Variants in SOX6 observed in about 807,000 individuals in gnomAD.
SOX6 encodes transcription factor SOX-6.
SOX6 carries 11 observed loss-of-function variants against 97.8 expected under a neutral mutation model. That is an observed-to-expected ratio of 0.11 (90% confidence interval 0.07 to 0.19). The LOEUF (loss-of-function observed/expected upper bound fraction) is 0.19. SOX6 is among the 10% of genes least tolerant of loss of function. The probability of loss-of-function intolerance (pLI) is 1.00; values close to 1 mark genes in which losing one functional copy is unlikely to be tolerated. For synonymous variants in SOX6, 360 were observed against 371.4 expected (o/e 0.97, Z 0.35); for missense variants, 810 against 1,039.5 (o/e 0.78, Z 3.04).
chr11:16,263,522 A>C (rs1264277046), intron 3 of SOX6, among the ~76,000 whole-genome samples: 1 of 151,998 alleles, frequency 6.6e-6, no homozygotes, highest in Non-Finnish European at 1.5e-5. Flanking sequence ...TATGGAAGAA[A>C]GGATAATCCA....
Position 16,572,096 on chromosome 11 carries a change from G to A in SOX6, n.609+39985C>T, listed in dbSNP as rs543204664. On this transcript the variant is annotated intron_variant and non_coding_transcript_variant, in intron 4 of 5. Transcript: ENST00000524520. The stretch of plus-strand genomic sequence containing the variant: ...TGTTCCAGTTACTTCTGAACTTACA[G>A]TGTCAGTATTATATTGTTTAAAATA... 7.2e-5 allele frequency among the ~76,000 whole-genome samples: 11 copies of A among 152,204 alleles called. No homozygotes were observed. The South Asian group carries it at 2.3e-3, about 32-fold the overall frequency.
rs185075321 is a variant in SOX6 at position 16,574,763 on chromosome 11, A to T, written n.609+37318T>A. 9.2e-5 allele frequency among the ~76,000 whole-genome samples: 14 copies of T among 152,096 alleles called. No individual in the cohort carries two copies. In the East Asian group the frequency reaches 1.5e-3, roughly 17 times the overall value. On this transcript the variant is annotated intron_variant and non_coding_transcript_variant, in intron 4 of 5. Transcript: ENST00000524520. ...ACAGATTTGTAGAAAACTACAAATC[A>T]TTTTTTTTAAAAAAAGATCCTGTAA...
chr11:16,064,386 A>G (rs894998013), intron 9 of SOX6, among the ~76,000 whole-genome samples: 5 of 150,776 alleles, frequency 3.3e-5, no homozygotes, highest in African/African-American at 1.2e-4. Context: ...TGTCATTTCA[A>G]TTTATTAATT....
intron 4 of SOX6, among the ~76,000 whole-genome samples, chr11:16,521,232 A>T (rs764397612): frequency 3.3e-5 from 5 of 152,162 alleles, no homozygotes; most frequent in Non-Finnish European, 7.4e-5. Flanking sequence ...AGGCACCCCC[A>T]GTAGGGGCAG....
At chr11:16,118,250 G>C (rs1244821057) in intron 6 of SOX6, among the ~76,000 whole-genome samples, 1 of 152,208 alleles carries the variant, frequency 6.6e-6, no homozygotes, top group Non-Finnish European at 1.5e-5. Context: ...AAGCACAACT[G>C]TCCATTAATT....
Position 16,131,948 on chromosome 11 carries a change from C to T in SOX6, c.778-20025G>A, listed in dbSNP as rs77355727. Among the ~76,000 whole-genome samples, 5,254 of 151,720 alleles carry T rather than the reference C, an allele frequency of 0.035. 499 individuals are homozygous for T. The East Asian group carries it at 0.37, about 11-fold the overall frequency. ...CTGCAGAGGACACAAGGAAACTCTT[C>T]GGGACTAAAAGTTACATATGGCTCT... On this transcript the variant is annotated intron_variant, in intron 6 of 15. Transcript: ENST00000683767.
At chr11:16,591,448 C>T (rs372580126) in intron 4 of SOX6, among the ~76,000 whole-genome samples, 72 of 152,010 alleles carry the variant, frequency 4.7e-4, no homozygotes, top group African/African-American at 1.6e-3. Flanking sequence ...GTCTTCAAGG[C>T]AAAGGTGATA....
intron 9 of SOX6, among the ~76,000 whole-genome samples, chr11:16,090,805 A>T (rs2133967260): frequency 6.6e-6 from 1 of 152,212 alleles, no homozygotes; most frequent in African/African-American, 2.4e-5. Context: ...CTAGTAGGTT[A>T]GACCCACCCA....
chr11:16,702,503 A>C (rs1371103940), intron 3 of SOX6, among the ~76,000 whole-genome samples: 1 of 152,158 alleles, frequency 6.6e-6, no homozygotes, highest in Non-Finnish European at 1.5e-5. Context: ...ACTTAGGGAA[A>C]ACTTGGTAAC....
At chr11:16,205,276 A>G (rs1387675651) in intron 4 of SOX6, among the ~76,000 whole-genome samples, 1 of 152,090 alleles carries the variant, frequency 6.6e-6, no homozygotes, top group African/African-American at 2.4e-5. Flanking sequence ...GAAATAGCAA[A>G]TTGAGATCTT....
In SOX6 at chr11:16,016,364, C is replaced by T. The variant is rs1316670469; in HGVS notation, c.1624-1314G>A. 2.0e-5 allele frequency among the ~76,000 whole-genome samples: 3 copies of T among 152,042 alleles called. No individual in the cohort carries two copies. In the East Asian group the frequency reaches 5.8e-4, roughly 29 times the overall value. On this transcript the variant is annotated intron_variant, in intron 12 of 15. Transcript: ENST00000683767. ...AACACAGCATAAACCTTGCTTTAAT[C>T]TACACCATTTCTATGAAAGATTTGC...
At position 16,569,071 on chromosome 11, in the gene SOX6, A is replaced by T. The variant is rs1208554085; in HGVS notation, n.609+43010T>A. Among the ~76,000 whole-genome samples the T allele has an allele frequency of 2.0e-5, 3 of 152,338 alleles. No homozygotes were observed. The East Asian group carries it at 5.8e-4, about 29-fold the overall frequency. Reference sequence around the variant, plus strand: ...ATCATAGAGGTTGAAGAGCATTATCAAATTATCTTTCGCATCTTGAGTTGG... The same window carrying T: ...ATCATAGAGGTTGAAGAGCATTATCTAATTATCTTTCGCATCTTGAGTTGG... On this transcript the variant is annotated intron_variant and non_coding_transcript_variant, in intron 4 of 5. Coordinates refer to the SOX6 transcript ENST00000524520.
intron 1 of SOX6, chr11:16,434,145 A>G (rs543756208): frequency 6.6e-6 from 1 of 152,264 alleles, no homozygotes; most frequent in South Asian, 2.1e-4. Flanking sequence ...TTTACCCACA[A>G]TCATAAAGGT....
chr11:16,074,072 C>T (rs1443201235), intron 9 of SOX6, among the ~76,000 whole-genome samples: 1 of 152,092 alleles, frequency 6.6e-6, no homozygotes, highest in Non-Finnish European at 1.5e-5. Flanking sequence ...AACCCCAAAA[C>T]TACCAGAAGA....
At chr11:16,069,114 C>T (rs1848161136) in intron 9 of SOX6, among the ~76,000 whole-genome samples, 1 of 152,176 alleles carries the variant, frequency 6.6e-6, no homozygotes, top group African/African-American at 2.4e-5. Context: ...TGTCTTCTTA[C>T]AGTTATAAGC....
chr11:16,130,914 G>C (rs949983585), intron 6 of SOX6, among the ~76,000 whole-genome samples: 1 of 151,832 alleles, frequency 6.6e-6, no homozygotes, highest in East Asian at 1.9e-4. Flanking sequence ...ATAGGTATCT[G>C]TAAAGGAAAA....
At chr11:16,266,365 T>G (rs1484462206) in intron 3 of SOX6, among the ~76,000 whole-genome samples, 1 of 151,552 alleles carries the variant, frequency 6.6e-6, no homozygotes, top group African/African-American at 2.4e-5. Flanking sequence ...ATAAAAAATT[T>G]TAGACACATA....
intron 1 of SOX6, among the ~76,000 whole-genome samples, chr11:16,430,334 T>C (rs1859249570): frequency 1.3e-5 from 2 of 152,222 alleles, no homozygotes; most frequent in South Asian, 4.1e-4. Flanking sequence ...TATTTGGTTG[T>C]TCATTCATTC....
At chr11:16,146,338 T>C (rs1182296265) in intron 6 of SOX6, among the ~76,000 whole-genome samples, 2 of 152,314 alleles carry the variant, frequency 1.3e-5, no homozygotes, top group African/African-American at 4.8e-5. Flanking sequence ...TTACACCTTA[T>C]ACAAAAATTA....
Sources: gnomAD v4.1 joint callset for allele counts (sites outside exome capture counted in the v4.1 genomes callset) on GRCh38, gnomAD v4.1.1 for gene constraint, MANE v1.5 for transcripts, NCBI Gene and HGNC (gene_info 2026-07-23, HGNC 2026-07-21) for gene names.